The following SPAG16 variants were observed in gnomAD, a reference collection of about 807,000 sequenced individuals.
SPAG16 encodes sperm associated antigen 16.
A neutral mutation model predicts 80.4 loss-of-function variants in SPAG16; 86 were observed. The observed-to-expected ratio is 1.07, with a 90% CI of 0.90 to 1.28. The LOEUF is 1.28. SPAG16 is among the 50% of genes most tolerant of loss of function. The pLI, the probability that SPAG16 is intolerant of heterozygous loss-of-function variation, is 0.00. For synonymous variants in SPAG16, 294 were observed against 265.9 expected, an observed-to-expected ratio of 1.11 and a Z score of -1.03; for missense variants, 870 against 765.3, an observed-to-expected ratio of 1.14 and a Z score of -1.61.
chr2:213,718,609 G>A lies in SPAG16; in HGVS notation c.1071-143876G>A, dbSNP rs930614878. ...AGCAGCCAGTCAGCCCTGCTGGCCC[G>A]GGGCAATGGGGGACTTAGCACCCGG... On this transcript the variant is annotated intron_variant, in intron 10 of 15. Transcript: ENST00000331683. 2.0e-5 allele frequency among the ~76,000 whole-genome samples: 3 copies of A among 152,300 alleles called. No homozygotes were observed. The South Asian group carries it at 6.2e-4, about 32-fold the overall frequency.
chr2:213,795,700 C>A (rs189234603), intron 10 of SPAG16, among the ~76,000 whole-genome samples: 2 of 152,192 alleles, frequency 1.3e-5, no homozygotes, highest in East Asian at 3.9e-4. Flanking sequence ...AGCACCATCC[C>A]CTCAGTGCTG....
chr2:214,311,219 G>T (rs148989957), intron 15 of SPAG16, among the ~76,000 whole-genome samples: 72 of 152,182 alleles, frequency 4.7e-4, no homozygotes, highest in Non-Finnish European at 4.4e-5. Context: ...TCTAGGGTCA[G>T]CACACTCGAA....
intron 10 of SPAG16, among the ~76,000 whole-genome samples, chr2:213,852,688 C>T (rs2074967536): frequency 6.6e-6 from 1 of 152,140 alleles, no homozygotes; most frequent in South Asian, 2.1e-4. Flanking sequence ...CCCCTGACCA[C>T]CTCATCAAAA....
intron 9 of SPAG16, among the ~76,000 whole-genome samples, chr2:213,418,018 C>A (rs899589420): frequency 2.0e-5 from 3 of 152,008 alleles, no homozygotes; most frequent in African/African-American, 7.3e-5. Context: ...AAATTACAGG[C>A]ATGCTCCATC....
intron 10 of SPAG16, among the ~76,000 whole-genome samples, chr2:213,719,216 G>C (rs1316287821): frequency 6.6e-6 from 1 of 151,902 alleles, no homozygotes. Context: ...TGCACCAATC[G>C]ACACTCTGTA....
intron 10 of SPAG16, among the ~76,000 whole-genome samples, chr2:213,578,639 C>T (rs961128543): frequency 1.3e-5 from 2 of 152,006 alleles, no homozygotes; most frequent in African/African-American, 4.8e-5. Flanking sequence ...TGACTCAAGG[C>T]ATCGCTTCTA....
rs1486934775 is a variant in SPAG16 at position 213,714,155 on chromosome 2, A to G, written c.1071-148330A>G. Reference sequence around the variant, plus strand: ...AATGTAGAGGTGAGCTCTCTCCAAGAGGTGGATGGAAAGCCAGAAATCCAG... The same window carrying G: ...AATGTAGAGGTGAGCTCTCTCCAAGGGGTGGATGGAAAGCCAGAAATCCAG... On this transcript the variant is annotated intron_variant, in intron 10 of 15. Transcript: ENST00000331683. 1.3e-5 allele frequency among the ~76,000 whole-genome samples: 2 copies of G among 152,170 alleles called. 1 individual carries two copies. The highest frequency in any genetic ancestry group is 4.8e-5 in the African/African-American group (2 of 41,420).
chr2:213,841,315 A>G (rs1248110213), intron 10 of SPAG16, among the ~76,000 whole-genome samples: 1 of 152,198 alleles, frequency 6.6e-6, no homozygotes, highest in Non-Finnish European at 1.5e-5. Context: ...GGGGCATGAC[A>G]TAAGGGTAGT....
chr2:213,509,121 C>T (rs1179087450), intron 10 of SPAG16, among the ~76,000 whole-genome samples: 1 of 151,904 alleles, frequency 6.6e-6, no homozygotes, highest in Non-Finnish European at 1.5e-5. Context: ...CTCAGCCTCC[C>T]GAGTAGCTGG....
intron 10 of SPAG16, among the ~76,000 whole-genome samples, chr2:213,644,304 G>T (rs939100097): frequency 6.6e-6 from 1 of 151,878 alleles, no homozygotes; most frequent in Non-Finnish European, 1.5e-5. Context: ...TGAATTCTCT[G>T]TCTGAAATGT....
chr2:213,939,661 A>T (rs2079121115), intron 12 of SPAG16, among the ~76,000 whole-genome samples: 1 of 152,164 alleles, frequency 6.6e-6, no homozygotes, highest in East Asian at 1.9e-4. Flanking sequence ...AGCGGTTTTC[A>T]CATGAAAAGA....
intron 10 of SPAG16, among the ~76,000 whole-genome samples, chr2:213,552,065 T>C (rs1355803286): frequency 2.0e-5 from 3 of 152,156 alleles, no homozygotes; most frequent in Non-Finnish European, 4.4e-5. Context: ...TTGTAAGAAA[T>C]AGGAAGTAGG....
chr2:214,368,713 T>C (rs1304354996), intron 15 of SPAG16, among the ~76,000 whole-genome samples: 1 of 152,100 alleles, frequency 6.6e-6, no homozygotes, highest in Non-Finnish European at 1.5e-5. Flanking sequence ...TCTACTTTGA[T>C]TAGAATCTAA....
rs6725058 is a variant in SPAG16, at chr2:214,142,346, C to G, written c.1594-6794C>G. Among the ~76,000 whole-genome samples the G allele has an allele frequency of 9.8e-3, 1,493 of 152,194 alleles. 19 individuals are homozygous for G. Among genetic ancestry groups the G allele is most frequent in the African/African-American group, 0.034 (1,409 of 41,536 alleles). On this transcript the variant is annotated intron_variant, in intron 14 of 15. Coordinates refer to ENST00000331683, the MANE Select transcript of SPAG16 (RefSeq NM_024532.5). ...ATCTTTGAGACTCACACTTTAAAATCTTTTTCAGTCTTTCATAATTTTAAT... is the reference window on the plus strand; with the variant it reads ...ATCTTTGAGACTCACACTTTAAAATGTTTTTCAGTCTTTCATAATTTTAAT...
intron 9 of SPAG16, among the ~76,000 whole-genome samples, chr2:213,430,953 C>A (rs891156836): frequency 6.6e-6 from 1 of 152,050 alleles, no homozygotes; most frequent in South Asian, 2.1e-4. Context: ...AAACTGCCAA[C>A]CCCAAATTTT....
At chr2:214,381,899 T>C (rs1700469625) in intron 15 of SPAG16, among the ~76,000 whole-genome samples, 1 of 152,240 alleles carries the variant, frequency 6.6e-6, no homozygotes. Context: ...AGTGTTGCTT[T>C]AACCCTCAGC....
intron 10 of SPAG16, among the ~76,000 whole-genome samples, chr2:213,773,472 A>G (rs1364482830): frequency 1.3e-5 from 2 of 152,188 alleles, no homozygotes; most frequent in Non-Finnish European, 2.9e-5. Flanking sequence ...CCTGCATCAG[A>G]TGACGTTTGC....
chr2:213,423,412 G>A (rs930073979), intron 9 of SPAG16, among the ~76,000 whole-genome samples: 1 of 152,182 alleles, frequency 6.6e-6, no homozygotes, highest in Admixed American at 6.5e-5. Context: ...CAGGATAGCA[G>A]TGTGTTGAAA....
intron 7 of SPAG16, among the ~76,000 whole-genome samples, chr2:213,363,025 T>C (rs1176848684): frequency 1.3e-5 from 2 of 150,320 alleles, no homozygotes; most frequent in African/African-American, 4.9e-5. Context: ...ACCTAAAAAC[T>C]AGTTGTAAGG....
Sources: gnomAD v4.1 joint callset for allele counts (sites outside exome capture counted in the v4.1 genomes callset) on GRCh38, gnomAD v4.1.1 for gene constraint, MANE v1.5 for transcripts, NCBI Gene and HGNC (gene_info 2026-07-23, HGNC 2026-07-21) for gene names.